The following NCKAP1 variants were observed in gnomAD, a reference collection of about 807,000 sequenced individuals.
The protein encoded by NCKAP1 is NCK associated protein 1, also known as nck-associated protein 1.
NCKAP1 carries 21 observed loss-of-function variants against 151.2 expected under a neutral mutation model. The observed-to-expected ratio is 0.14, with a 90% CI of 0.10 to 0.20. The LOEUF (loss-of-function observed/expected upper bound fraction) is 0.20. Ranked by LOEUF, NCKAP1 falls within the 10% of genes least tolerant of loss-of-function variation. The pLI is 1.00. For synonymous variants in NCKAP1, 484 were observed against 451.8 expected (o/e 1.07, Z -0.90); for missense variants, 933 against 1,352.1 (o/e 0.69, Z 4.86).
Position 182,917,214 on chromosome 2 carries a change from T to C in NCKAP1, c.*8488A>G, listed in dbSNP as rs1460445143. On this transcript the variant is annotated 3_prime_UTR_variant, in exon 31 of 31. Coordinates refer to ENST00000361354, the MANE Select transcript of NCKAP1 (RefSeq NM_013436.5). ...AAACTTGGAGAAGTTAAGTAATTTG[T>C]CCATAAGTGACAGAGCTGGGATTCA... 6.6e-6 allele frequency: 1 copy of C among 152,216 alleles called. No individual in the cohort carries two copies. Among genetic ancestry groups the C allele is most frequent in the East Asian group, 1.9e-4 (1 of 5,200 alleles). 9.4% of individuals were successfully genotyped at this position (152,216 alleles called of 1,614,324 possible). A position where few individuals can be genotyped will look rare whatever the true frequency, so the allele number is the denominator to read the frequency against.
intron 16 of NCKAP1, among the ~76,000 whole-genome samples, chr2:182,965,223 T>A (rs993899391): frequency 6.6e-6 from 1 of 151,754 alleles, no homozygotes; most frequent in Non-Finnish European, 1.5e-5. Context: ...AAACCCTGTC[T>A]CTATTTTTAA....
At chr2:183,007,073 G>A (rs753093269) in intron 2 of NCKAP1, among the ~76,000 whole-genome samples, 13 of 152,026 alleles carry the variant, frequency 8.6e-5, no homozygotes, top group Non-Finnish European at 1.3e-4. Flanking sequence ...GGGTTTCACC[G>A]TGTCGGTCAG....
intron 24 of NCKAP1, among the ~76,000 whole-genome samples, chr2:182,936,593 G>C (rs1054810643): frequency 9.9e-5 from 15 of 152,196 alleles, no homozygotes; most frequent in African/African-American, 3.1e-4. Context: ...AGTAGGAATA[G>C]AGAGAAGTGT....
Position 182,952,885 on chromosome 2 carries a change from T to C in NCKAP1, c.2411A>G (p.His804Arg). 6.2e-7 allele frequency: 1 copy of C among 1,611,796 alleles called. No homozygotes were observed. The highest frequency in any genetic ancestry group is 8.5e-7 in the Non-Finnish European group (1 of 1,179,186). Reference sequence around the variant, plus strand: ...TTTCATTGCAGGAAAATATGCTATATGGCCATTGCTGACTTGTCGTAACAA... The same window carrying C: ...TTTCATTGCAGGAAAATATGCTATACGGCCATTGCTGACTTGTCGTAACAA... ...ETLLRQVSNG[H>R]IAYFPAMKAF... The change falls in exon 22 of 31, where the codon CAT becomes CGT. Residue 804 changes from histidine (H) to arginine (R), a missense_variant. His to Arg is a conservative substitution (Grantham distance 29, BLOSUM62 0). Coordinates refer to ENST00000361354, the MANE Select transcript of NCKAP1 (RefSeq NM_013436.5).
rs1391723026 is a variant in NCKAP1 at position 182,935,394 on chromosome 2, AAGG to A, written c.2696-22_2696-20del. 7 of 1,464,352 alleles carry A rather than the reference AAGG, an allele frequency of 4.8e-6. No homozygotes were observed. The highest frequency in any genetic ancestry group is 1.4e-5 in the South Asian group (1 of 74,032). The allele number at this position is 1,464,352 out of a possible 1,614,324, so 90.7% of individuals were successfully genotyped here. ...TCAACAGCTAAATTCAAAGAAACAG[AAGG>A]AGAAGAGAATAAAAAAGTGTGAACT... On this transcript the variant is annotated intron_variant, in intron 24 of 30. Coordinates refer to ENST00000361354, the MANE Select transcript of NCKAP1 (RefSeq NM_013436.5).
rs571592967 is a variant in NCKAP1 at position 182,983,559 on chromosome 2, C to T, written c.1005-177G>A. ...GTGAGTTTCTAATCTTACATTTATC[C>T]TGCCTTTCTTATGTTGCTTTTTAAA... On this transcript the variant is annotated intron_variant, in intron 10 of 30. Transcript: ENST00000361354. Among the ~76,000 whole-genome samples, 3 of 152,256 alleles carry T rather than the reference C, an allele frequency of 2.0e-5. No homozygotes were observed. The South Asian group carries it at 6.2e-4, about 32-fold the overall frequency.
intron 1 of NCKAP1, among the ~76,000 whole-genome samples, chr2:183,029,936 C>T (rs532260114): frequency 6.6e-6 from 1 of 151,984 alleles, no homozygotes; most frequent in South Asian, 2.1e-4. Context: ...TGCAAAACAC[C>T]TATGCTTTAG....
intron 15 of NCKAP1, 127 bp from the exon 16 acceptor site, chr2:182,967,488 C>T: frequency 1.2e-6 from 1 of 833,604 alleles, no homozygotes; most frequent in Non-Finnish European, 1.9e-6. Flanking sequence ...ACAGTAACAT[C>T]TACTGTGTTA....
rs773381309 is a variant in NCKAP1, at chr2:182,994,870, G to A, written c.759C>T (p.Leu253=). 1 of 1,606,714 alleles carries A rather than the reference G, an allele frequency of 6.2e-7. No homozygotes were observed. Among genetic ancestry groups the A allele is most frequent in the Non-Finnish European group, 8.5e-7 (1 of 1,173,552 alleles). Residue 253 remains leucine, a synonymous_variant, in exon 8 of 31, where the codon CTC becomes CTT. Coordinates refer to ENST00000361354, the MANE Select transcript of NCKAP1 (RefSeq NM_013436.5). ...TCCACTTTTCCATTGCATCCAAAGA[G>A]AGGTATTCACAAGGCATCTTAAAAA... The part of the protein sequence containing the change: ...AQSDTMPCEY[L]SLDAMEKWII...
intron 15 of NCKAP1, among the ~76,000 whole-genome samples, chr2:182,975,195 C>T (rs1010977702): frequency 3.9e-5 from 6 of 151,952 alleles, no homozygotes; most frequent in Admixed American, 3.9e-4. Flanking sequence ...GTTTCATTGC[C>T]TTTTTAAAAA....
chr2:183,009,714 T>C (rs1698556382), intron 2 of NCKAP1, among the ~76,000 whole-genome samples: 1 of 152,278 alleles, frequency 6.6e-6, no homozygotes, highest in South Asian at 2.1e-4. Flanking sequence ...TGTGCAACCA[T>C]CAGCACCATC....
At chr2:182,972,309 G>A (rs1309231651) in intron 15 of NCKAP1, among the ~76,000 whole-genome samples, 2 of 150,604 alleles carry the variant, frequency 1.3e-5, no homozygotes, top group Admixed American at 1.3e-4. Flanking sequence ...AGACATACAG[G>A]TGGCCAACAG....
chr2:182,953,631 T>C (rs1697264624), intron 20 of NCKAP1, among the ~76,000 whole-genome samples: 1 of 152,000 alleles, frequency 6.6e-6, no homozygotes, highest in Admixed American at 6.5e-5. Flanking sequence ...TGAATCCTTG[T>C]CTCCACTAAA....
chr2:182,975,312 CT>C (rs1697783184), intron 15 of NCKAP1, among the ~76,000 whole-genome samples: 1 of 152,118 alleles, frequency 6.6e-6, no homozygotes, highest in Non-Finnish European at 1.5e-5. Flanking sequence ...CTTCCCTGAT[CT>C]CCCACTAACT....
chr2:182,947,249 C>T (rs1575022961), intron 23 of NCKAP1: 1 of 152,154 alleles, frequency 6.6e-6, no homozygotes, highest in Non-Finnish European at 1.5e-5. Flanking sequence ...ATAACATAAA[C>T]AGGGCTGCAA....
intron 1 of NCKAP1, among the ~76,000 whole-genome samples, chr2:183,033,498 A>G (rs1699044771): frequency 6.6e-6 from 1 of 152,156 alleles, no homozygotes; most frequent in African/African-American, 2.4e-5. Context: ...ATATCTATAC[A>G]TCTCTCTCCC....
At chr2:182,964,887 T>C in intron 16 of NCKAP1, 79 bp from the exon 17 acceptor site, 1 of 1,114,894 alleles carries the variant, frequency 9.0e-7, no homozygotes, top group Non-Finnish European at 1.2e-6. Flanking sequence ...GTTAATTTGA[T>C]TCAAGTGAAT....
chr2:182,962,520 T>G (rs1432105099), intron 17 of NCKAP1, among the ~76,000 whole-genome samples: 3 of 152,076 alleles, frequency 2.0e-5, no homozygotes, highest in African/African-American at 7.2e-5. Context: ...TCTTGAAAAA[T>G]CAGTATTTTG....
At chr2:183,011,216 C>A (rs1428014592) in intron 2 of NCKAP1, among the ~76,000 whole-genome samples, 1 of 152,174 alleles carries the variant, frequency 6.6e-6, no homozygotes, top group Non-Finnish European at 1.5e-5. Context: ...CATAGGAGAA[C>A]CAAAATGCTT....
Sources: gnomAD v4.1 joint callset for allele counts (sites outside exome capture counted in the v4.1 genomes callset) on GRCh38, gnomAD v4.1.1 for gene constraint, MANE v1.5 for transcripts, NCBI Gene and HGNC (gene_info 2026-07-23, HGNC 2026-07-21) for gene names.